SLC14A2: variants seen among roughly 807,000 people sequenced by gnomAD.
SLC14A2 encodes the protein urea transporter 2.
Under a neutral mutation model 104.6 loss-of-function variants are expected in SLC14A2, and 91 were observed. That is an observed-to-expected ratio of 0.87 (90% CI 0.73 to 1.04). SLC14A2 has a LOEUF of 1.04. Ranked by LOEUF, SLC14A2 falls within the 50% of genes least tolerant of loss-of-function variation. The pLI is 0.00. For missense variants in SLC14A2, 1,189 were observed against 1,156.0 expected (o/e 1.03, Z -0.41); for synonymous variants, 476 against 466.4 (o/e 1.02, Z -0.27).
chr18:45,667,219 G>A, intron 13 of SLC14A2, 125 bp downstream of exon 13: 1 of 695,548 alleles, frequency 1.4e-6, no homozygotes, highest in Non-Finnish European at 2.4e-6. Flanking sequence ...CTCTGTTACT[G>A]TGGTCTTTCC....
intron 2 of SLC14A2, among the ~76,000 whole-genome samples, chr18:45,526,827 A>G (rs2043599425): frequency 6.6e-6 from 1 of 152,174 alleles, no homozygotes; most frequent in African/African-American, 2.4e-5. Context: ...GGATCAGGAA[A>G]TTTATGGACA....
In SLC14A2 at chr18:45,673,810, C is replaced by T. The variant is rs139049054; in HGVS notation, c.2505C>T (p.Ile835=). 64 of 1,614,008 alleles carry T rather than the reference C, an allele frequency of 4.0e-5. No individual in the cohort carries two copies. In the African/African-American group the frequency reaches 6.5e-4, roughly 16 times the overall value. The change falls in exon 18 of 20, where the codon ATC becomes ATT. Residue 835 remains isoleucine, a synonymous_variant. Transcript: ENST00000255226. The part of the protein sequence containing the change: ...VITWQTHLLA[I]ACALFAAYLG... ...CCTGGCAGACGCACCTCCTCGCCAT[C>T]GCCTGCGGTAGGTACTCCCCACAGA...
intron 1 of SLC14A2, among the ~76,000 whole-genome samples, chr18:45,617,006 G>C (rs528971801): frequency 3.3e-5 from 5 of 152,302 alleles, no homozygotes; most frequent in African/African-American, 1.2e-4. Context: ...GCTGAGGCAG[G>C]AGAATTGCTT....
At chr18:45,522,112 C>G (rs1279165676) in intron 2 of SLC14A2, among the ~76,000 whole-genome samples, 1 of 152,202 alleles carries the variant, frequency 6.6e-6, no homozygotes, top group African/African-American at 2.4e-5. Flanking sequence ...GTTTGCACAT[C>G]ATATCAGTGG....
rs115383885 is a variant in SLC14A2 at position 45,663,959 on chromosome 18, T to C, written c.1474+52T>C. On this transcript the variant is annotated intron_variant, in intron 11 of 19. Coordinates refer to ENST00000255226, the MANE Select transcript of SLC14A2 (RefSeq NM_007163.4). ...GGATCCCTGCCTTCCTAGTCTCTAA[T>C]AAAACAGGGACAATGGCAATACCTA... 1.1e-4 allele frequency: 171 copies of C among 1,541,278 alleles called. No individual in the cohort carries two copies. The African/African-American group carries it at 1.9e-3, about 17-fold the overall frequency.
chr18:45,254,913 T>C (rs1214189212), intron 1 of SLC14A2, among the ~76,000 whole-genome samples: 1 of 152,166 alleles, frequency 6.6e-6, no homozygotes, highest in Admixed American at 6.5e-5. Context: ...GGGGCAGGCC[T>C]GGGCAGCCGC....
intron 1 of SLC14A2, among the ~76,000 whole-genome samples, chr18:45,399,454 T>C (rs1341427394): frequency 6.6e-6 from 1 of 152,166 alleles, no homozygotes; most frequent in Non-Finnish European, 1.5e-5. Context: ...TCTGAACACC[T>C]TCCTAGAGCC....
intron 2 of SLC14A2, among the ~76,000 whole-genome samples, chr18:45,563,762 G>T (rs150962929): frequency 1.3e-5 from 2 of 152,146 alleles, no homozygotes; most frequent in African/African-American, 4.8e-5. Context: ...AGATAATTCC[G>T]TCTATCTTCT....
In SLC14A2 at chr18:45,392,264, C is replaced by T. The variant is rs774153421; in HGVS notation, c.-124-90969C>T. ...GTCTCCCCAACACACATGCTTCTCC[C>T]CTATGCTTGCCTGGTTTTGTACTGT... On this transcript the variant is annotated intron_variant, in intron 1 of 20. Transcript: ENST00000586448. Among the ~76,000 whole-genome samples, 5 of 152,152 alleles carry T rather than the reference C, an allele frequency of 3.3e-5. No homozygotes were observed. In the East Asian group the frequency reaches 7.7e-4, roughly 23 times the overall value.
chr18:45,641,304 G>A lies in SLC14A2; in HGVS notation c.1087G>A (p.Ala363Thr). The change falls in exon 8 of 20, where the codon GCC (alanine) becomes ACC (threonine). Residue 363 changes from alanine (A) to threonine (T), a missense_variant. By Grantham distance (58) the Ala-to-Thr change is moderately conservative. Coordinates refer to ENST00000255226, the MANE Select transcript of SLC14A2 (RefSeq NM_007163.4). ...CATCGCCATCGGAGGCATGTTCTAT[G>A]CCCTCACCTGGCAGACTCACCTGCT... ...SCIAIGGMFYALTWQTHLLAL... is the reference protein window; with the variant it reads ...SCIAIGGMFYTLTWQTHLLAL... 1 of 1,614,200 alleles carries A rather than the reference G, an allele frequency of 6.2e-7. No individual in the cohort carries two copies. Among genetic ancestry groups the A allele is most frequent in the Non-Finnish European group, 8.5e-7 (1 of 1,180,018 alleles).
chr18:45,558,114 C>T (rs1448439130), intron 2 of SLC14A2, among the ~76,000 whole-genome samples: 1 of 152,168 alleles, frequency 6.6e-6, no homozygotes, highest in Non-Finnish European at 1.5e-5. Flanking sequence ...CTCCTATAGT[C>T]CCTCCTTTCC....
intron 1 of SLC14A2, among the ~76,000 whole-genome samples, chr18:45,351,473 GC>G (rs2085503157): frequency 6.6e-6 from 1 of 152,044 alleles, no homozygotes. Context: ...TCCTGCCTGA[GC>G]CCCCCAAGTA....
intron 1 of SLC14A2, among the ~76,000 whole-genome samples, chr18:45,245,136 CA>C (rs2084356480): frequency 1.3e-5 from 2 of 152,310 alleles, no homozygotes; most frequent in South Asian, 4.1e-4. Context: ...CTCCTTTCTG[CA>C]GGAGGATCAA....
intron 12 of SLC14A2, among the ~76,000 whole-genome samples, chr18:45,666,559 A>G (rs1158667254): frequency 6.6e-6 from 1 of 151,514 alleles, no homozygotes; most frequent in Non-Finnish European, 1.5e-5. Flanking sequence ...AAGACTAGAC[A>G]TGCCAGGGAG....
At chr18:45,665,091 G>T (rs1210526760) in intron 11 of SLC14A2, among the ~76,000 whole-genome samples, 1 of 152,146 alleles carries the variant, frequency 6.6e-6, no homozygotes, top group Non-Finnish European at 1.5e-5. Context: ...AAATGAATTT[G>T]TTTGTCCTGA....
At chr18:45,245,540 T>C (rs1472432667) in intron 1 of SLC14A2, among the ~76,000 whole-genome samples, 3 of 152,210 alleles carry the variant, frequency 2.0e-5, no homozygotes, top group Admixed American at 6.5e-5. Context: ...ATTTGGGAAT[T>C]TAGAAAGCTC....
chr18:45,263,838 G>T (rs1002229330), intron 1 of SLC14A2, among the ~76,000 whole-genome samples: 5 of 152,082 alleles, frequency 3.3e-5, no homozygotes, highest in Admixed American at 3.3e-4. Flanking sequence ...GGATCATTTT[G>T]TATTTTCCTT....
chr18:45,377,074 C>T (rs995501086), intron 1 of SLC14A2, among the ~76,000 whole-genome samples: 1 of 152,136 alleles, frequency 6.6e-6, no homozygotes, highest in African/African-American at 2.4e-5. Context: ...CTGCCTCTTC[C>T]ACTATGCCCT....
chr18:45,183,806 G>T, the SLC14A2 span, among the ~76,000 whole-genome samples: 1 of 150,848 alleles, frequency 6.6e-6, no homozygotes, highest in Non-Finnish European at 1.5e-5. Context: ...TGTGATCATA[G>T]CTCACTGCAG....
Sources: gnomAD v4.1 joint callset for allele counts (sites outside exome capture counted in the v4.1 genomes callset) on GRCh38, gnomAD v4.1.1 for gene constraint, MANE v1.5 for transcripts, NCBI Gene and HGNC (gene_info 2026-07-23, HGNC 2026-07-21) for gene names.